Variants in PLBD2 observed in about 807,000 individuals in gnomAD.
PLBD2 encodes putative aminopeptidase PLBD2.
In PLBD2, 51 loss-of-function variants were observed where a neutral mutation model predicts 68.3. The ratio of observed to expected loss-of-function variants is 0.75; its 90% CI spans 0.60 to 0.94. PLBD2 has a LOEUF of 0.94. Among genes scored for constraint, PLBD2 ranks in the 40% least tolerant of loss-of-function variants. The pLI, the probability that PLBD2 is intolerant of heterozygous loss-of-function variation, is 0.00. For missense variants in PLBD2, 729 were observed against 792.2 expected (o/e 0.92, Z 0.96); for synonymous variants, 314 against 339.3 (o/e 0.93, Z 0.82).
Position 113,390,116 on chromosome 12 carries a change from T to G in PLBD2, c.*1490T>G, listed in dbSNP as rs556075108. 1.3e-5 allele frequency: 2 copies of G among 152,100 alleles called. No individual in the cohort carries two copies. Among genetic ancestry groups the G allele is most frequent in the South Asian group, 4.2e-4 (2 of 4,818 alleles). The allele number at this position is 152,100 out of a possible 1,614,324, so 9.4% of individuals were successfully genotyped here. Reference sequence around the variant, plus strand: ...AGGGAGGGATCCTTTTTTGTATTGGTCTGTATACCACAGCATGGCTTACGA... The same window carrying G: ...AGGGAGGGATCCTTTTTTGTATTGGGCTGTATACCACAGCATGGCTTACGA... On this transcript the variant is annotated 3_prime_UTR_variant, in exon 12 of 12. Coordinates refer to ENST00000280800, the MANE Select transcript of PLBD2 (RefSeq NM_173542.4).
intron 6 of PLBD2, among the ~76,000 whole-genome samples, chr12:113,381,157 A>C (rs1392903735): frequency 6.6e-6 from 1 of 152,162 alleles, no homozygotes; most frequent in Non-Finnish European, 1.5e-5. Context: ...CCTGGTTGTC[A>C]GGAAAGGCTG....
At chr12:113,375,145 G>T (rs1227728123) in intron 5 of PLBD2, 138 bp downstream of exon 5, 6 of 846,096 alleles carry the variant, frequency 7.1e-6, no homozygotes, top group Non-Finnish European at 1.1e-5. Flanking sequence ...GTTCATTTTG[G>T]TTTTGTTTTT....
At chr12:113,382,358 C>T (rs1368229550) in intron 6 of PLBD2, among the ~76,000 whole-genome samples, 2 of 152,170 alleles carry the variant, frequency 1.3e-5, no homozygotes, top group Non-Finnish European at 2.9e-5. Flanking sequence ...GGAAAAACAT[C>T]TGTGATTTCT....
At chr12:113,375,853 ATTCTT>A (rs939619898) in intron 5 of PLBD2, among the ~76,000 whole-genome samples, 15 of 152,078 alleles carry the variant, frequency 9.9e-5, no homozygotes, top group African/African-American at 3.6e-4. Context: ...CTGACACAGC[ATTCTT>A]TTCTTTTTAT....
chr12:113,385,639 T>G (rs565306976), intron 9 of PLBD2, among the ~76,000 whole-genome samples: 1 of 152,352 alleles, frequency 6.6e-6, no homozygotes, highest in East Asian at 1.9e-4. Context: ...AATTGCCACA[T>G]GTGGTCACTA....
chr12:113,388,438 G>T, intron 11 of PLBD2, 21 bp from the exon 12 acceptor site: 1 of 1,530,422 alleles, frequency 6.5e-7, no homozygotes, highest in Non-Finnish European at 8.8e-7. Context: ...CTGCTCAGCT[G>T]CGGCTCTGCC....
intron 6 of PLBD2, among the ~76,000 whole-genome samples, chr12:113,383,333 T>C (rs1310573386): frequency 1.3e-5 from 2 of 152,198 alleles, no homozygotes; most frequent in Admixed American, 6.5e-5. Flanking sequence ...AGCGGCTCTT[T>C]GGGCCTCTCA....
chr12:113,384,284 CT>C lies in PLBD2; in HGVS notation c.1118+20del. The C allele has an allele frequency of 6.3e-7, 1 of 1,598,038 alleles. No individual in the cohort carries two copies. Among genetic ancestry groups the C allele is most frequent in the Admixed American group, 1.7e-5 (1 of 58,772 alleles). On this transcript the variant is annotated intron_variant, in intron 7 of 11. Coordinates refer to ENST00000280800, the MANE Select transcript of PLBD2 (RefSeq NM_173542.4). This position sits in a 1 kb window ranked among gnomAD's most constrained non-coding sequence, Gnocchi z 4.2. ...GCGGCACGTGAGTGGGCTTCTGGCC[CT>C]GTGGCTTCCCCTGCACCAAGAGATA...
rs750382479 is a variant in PLBD2 at position 113,367,759 on chromosome 12, A to AAAAAAAAG, written c.291-1351_291-1350insAGAAAAAA. 3.6e-3 allele frequency among the ~76,000 whole-genome samples: 528 copies of AAAAAAAAG among 148,088 alleles called. 3 individuals are homozygous for AAAAAAAAG. The highest frequency in any genetic ancestry group is 0.012 in the African/African-American group (473 of 39,336). On this transcript the variant is annotated intron_variant, in intron 1 of 11. Coordinates refer to ENST00000280800, the MANE Select transcript of PLBD2 (RefSeq NM_173542.4). ...GCAAGATGCTGTCTCAAAAAAAAAA[A>AAAAAAAAG]AAAAAAGAAAAAAGCCCTGGTGCAG...
Position 113,358,721 on chromosome 12 carries a change from G to GT in PLBD2, c.121_122insT (p.Ala41ValfsTer42). Reference sequence around the variant, plus strand: ...GCCGTTCCTGAGCGGCCTGGCGGGGGCGATCCCAGCGCCGGGGGGCCGCTG... The same window carrying GT: ...GCCGTTCCTGAGCGGCCTGGCGGGGGTCGATCCCAGCGCCGGGGGGCCGCTG... On this transcript the variant is annotated frameshift_variant, in exon 1 of 12. Transcript: ENST00000280800. LOFTEE classifies it high-confidence loss of function. 7.2e-7 allele frequency: 1 copy of GT among 1,392,702 alleles called. No homozygotes were observed. The highest frequency in any genetic ancestry group is 9.3e-7 in the Non-Finnish European group (1 of 1,080,204). The allele number at this position is 1,392,702 out of a possible 1,614,324, so 86.3% of individuals were successfully genotyped here. A position where few individuals can be genotyped will look rare whatever the true frequency, so the allele number is the denominator to read the frequency against.
intron 2 of PLBD2, among the ~76,000 whole-genome samples, chr12:113,370,163 G>A (rs1957376023): frequency 6.6e-6 from 1 of 152,088 alleles, no homozygotes. Flanking sequence ...GCCTCCCAAA[G>A]TGCTGGGATT....
intron 4 of PLBD2, 25 bp from the exon 5 acceptor site, chr12:113,374,768 C>T (rs777315928): frequency 6.2e-7 from 1 of 1,612,262 alleles, no homozygotes; most frequent in African/African-American, 1.3e-5. Flanking sequence ...GCGTGGTAAC[C>T]CTCTGATGCC....
At position 113,358,814 on chromosome 12, in the gene PLBD2, C is replaced by T; in HGVS notation, c.214C>T (p.Gln72Ter). Residue 72 changes from glutamine to a stop codon, truncating the protein, a stop_gained, in exon 1 of 12, where the codon CAG (glutamine) becomes TAG (stop). Transcript: ENST00000280800. LOFTEE classifies it high-confidence loss of function. ...RSVLLDVSAG[Q>*]LLMVDGRHPD... ...GGTGCTCCTGGACGTCTCGGCGGGC[C>T]AGCTGCTTATGGTGGACGGACGCCA... 1 of 1,500,522 alleles carries T rather than the reference C, an allele frequency of 6.7e-7. No individual in the cohort carries two copies. Among genetic ancestry groups the T allele is most frequent in the Non-Finnish European group, 8.9e-7 (1 of 1,127,922 alleles). The allele number at this position is 1,500,522 out of a possible 1,614,324, so 93.0% of individuals were successfully genotyped here.
chr12:113,387,999 G>A (rs1005516908), intron 11 of PLBD2, 93 bp downstream of exon 11: 25 of 1,465,108 alleles, frequency 1.7e-5, no homozygotes, highest in African/African-American at 9.7e-5. Context: ...AGCTGATGGC[G>A]GGGCAGGAAT....
intron 8 of PLBD2, 61 bp downstream of exon 8, chr12:113,385,007 C>A: frequency 1.3e-6 from 2 of 1,498,476 alleles, no homozygotes; most frequent in Non-Finnish European, 1.8e-6. Flanking sequence ...AGGGTGAAGG[C>A]CCAGAGCCGT....
At chr12:113,368,090 A>AG (rs1957357697) in intron 1 of PLBD2, among the ~76,000 whole-genome samples, 1 of 152,060 alleles carries the variant, frequency 6.6e-6, no homozygotes, top group African/African-American at 2.4e-5. Flanking sequence ...AGGAAAAAAA[A>AG]AAAACAAGAA....
chr12:113,374,597 A>G (rs1229952397), intron 4 of PLBD2, 23 bp downstream of exon 4: 1 of 1,561,104 alleles, frequency 6.4e-7, no homozygotes, highest in South Asian at 1.2e-5. Context: ...CCCAGAGTGA[A>G]CAGGGTGGGA....
intron 5 of PLBD2, among the ~76,000 whole-genome samples, chr12:113,375,316 G>T (rs988222231): frequency 1.3e-5 from 2 of 151,142 alleles, no homozygotes; most frequent in Admixed American, 6.6e-5. Flanking sequence ...CAGCTAATTT[G>T]TTTATTTTTT....
At chr12:113,386,902 TG>T (rs1445138324) in intron 9 of PLBD2, 34 bp from the exon 10 acceptor site, 1 of 1,605,428 alleles carries the variant, frequency 6.2e-7, no homozygotes, top group African/African-American at 1.3e-5. Context: ...GTGAGGCCAG[TG>T]GGGGTCATGG....
Sources: gnomAD v4.1 joint callset for allele counts (sites outside exome capture counted in the v4.1 genomes callset) on GRCh38, gnomAD v4.1.1 for gene constraint, Gnocchi (gnomAD v3.1) non-coding constraint, MANE v1.5 for transcripts, NCBI Gene and HGNC (gene_info 2026-07-23, HGNC 2026-07-21) for gene names.